Variants in CBLB observed in about 807,000 individuals in gnomAD.
The protein encoded by CBLB is Cbl proto-oncogene B, also known as E3 ubiquitin-protein ligase CBL-B.
Under a neutral mutation model 104.9 loss-of-function variants are expected in CBLB, and 31 were observed. That is an observed-to-expected ratio of 0.30 (90% confidence interval 0.22 to 0.40). CBLB has a LOEUF of 0.40. Among genes scored for constraint, CBLB ranks in the 10% least tolerant of loss-of-function variants. CBLB has a pLI of 1.00. For synonymous variants in CBLB, 440 were observed against 422.6 expected (o/e 1.04, Z -0.51); for missense variants, 1,062 against 1,214.6 (o/e 0.87, Z 1.87).
intron 6 of CBLB, among the ~76,000 whole-genome samples, chr3:105,741,094 G>A (rs1370858617): frequency 5.6e-5 from 3 of 53,560 alleles, no homozygotes; most frequent in Non-Finnish European, 1.1e-4. Flanking sequence ...TAAAAATTAG[G>A]GTTTTTTTTT....
intron 17 of CBLB, 131 bp from the exon 18 acceptor site, chr3:105,670,483 T>C: frequency 1.4e-6 from 1 of 738,766 alleles, no homozygotes; most frequent in Non-Finnish European, 2.2e-6. Context: ...TCATGACTGA[T>C]ATTAACCATT....
intron 3 of CBLB, among the ~76,000 whole-genome samples, chr3:105,842,057 A>G (rs1342198628): frequency 6.6e-6 from 1 of 151,938 alleles, no homozygotes; most frequent in Non-Finnish European, 1.5e-5. Flanking sequence ...TTCAATAAAG[A>G]TAATGTCTCC....
At chr3:105,833,902 C>T (rs1158601466) in intron 3 of CBLB, among the ~76,000 whole-genome samples, 1 of 151,564 alleles carries the variant, frequency 6.6e-6, no homozygotes, top group Non-Finnish European at 1.5e-5. Flanking sequence ...TAAAACCTTT[C>T]GTTTTAAAAA....
At chr3:105,744,965 T>C (rs936957873) in intron 6 of CBLB, among the ~76,000 whole-genome samples, 6 of 151,840 alleles carry the variant, frequency 4.0e-5, no homozygotes, top group African/African-American at 1.5e-4. Context: ...AAAAATGTTA[T>C]AAAGTACAAA....
chr3:105,853,425 C>T lies in CBLB; in HGVS notation c.408G>A (p.Gln136=), dbSNP rs2091207070. The change falls in exon 3 of 19, where the codon CAG becomes CAA. Residue 136 remains glutamine (Q), a synonymous_variant. Coordinates refer to ENST00000394030, the MANE Select transcript of CBLB (RefSeq NM_170662.5). ...KEGKERMYEE[Q]SQDRRNLTKL... is the part of the protein sequence containing the mutation. ...AATATTCTTCTTACCTGTCCTGTGA[C>T]TGTTCTTCATACATTCTCTCCTTGC... 8 of 1,613,622 alleles carry T rather than the reference C, an allele frequency of 5.0e-6. No homozygotes were observed. Among genetic ancestry groups the T allele is most frequent in the East Asian group, 2.2e-5 (1 of 44,806 alleles).
chr3:105,670,370 G>A lies in CBLB; in HGVS notation c.2570-18C>T. ...AAAGGGATCTTAAAAATAAAAACAAGTTTCAAATTAAAAGGATGATCTCTG... is the reference window on the plus strand; with the variant it reads ...AAAGGGATCTTAAAAATAAAAACAAATTTCAAATTAAAAGGATGATCTCTG... On this transcript the variant is annotated intron_variant, in intron 17 of 18. Transcript: ENST00000394030. 1 of 1,604,116 alleles carries A rather than the reference G, an allele frequency of 6.2e-7. No homozygotes were observed. The highest frequency in any genetic ancestry group is 8.5e-7 in the Non-Finnish European group (1 of 1,172,246).
At chr3:105,780,928 G>C (rs1292508732) in intron 3 of CBLB, among the ~76,000 whole-genome samples, 1 of 151,922 alleles carries the variant, frequency 6.6e-6, no homozygotes, top group Non-Finnish European at 1.5e-5. Flanking sequence ...CCAAAGTACT[G>C]GGATTATAAG....
At chr3:105,774,627 C>T (rs551136560) in intron 4 of CBLB, among the ~76,000 whole-genome samples, 16 of 152,214 alleles carry the variant, frequency 1.1e-4, no homozygotes, top group African/African-American at 3.9e-4. Context: ...AGTGATTTCA[C>T]TCATGTAGCA....
chr3:105,751,917 G>T (rs536968134), intron 4 of CBLB, among the ~76,000 whole-genome samples: 1 of 152,304 alleles, frequency 6.6e-6, no homozygotes, highest in East Asian at 1.9e-4. Flanking sequence ...AAAGTCTTAT[G>T]TGTCATGACC....
chr3:105,755,858 A>G (rs1032399177), intron 4 of CBLB, among the ~76,000 whole-genome samples: 1 of 152,348 alleles, frequency 6.6e-6, no homozygotes, highest in African/African-American at 2.4e-5. Flanking sequence ...AGAGCAAAAT[A>G]TTTGAAAACA....
intron 13 of CBLB, among the ~76,000 whole-genome samples, chr3:105,686,536 A>G (rs1399633921): frequency 2.0e-5 from 3 of 152,056 alleles, no homozygotes; most frequent in Non-Finnish European, 2.9e-5. Context: ...TATATTAAAC[A>G]AACATGCCTG....
chr3:105,864,266 G>T lies in CBLB; in HGVS notation c.168+3144C>A, dbSNP rs1383460814. Among the ~76,000 whole-genome samples, 4 of 152,154 alleles carry T rather than the reference G, an allele frequency of 2.6e-5. No homozygotes were observed. In the East Asian group the frequency reaches 7.7e-4, roughly 29 times the overall value. On this transcript the variant is annotated intron_variant, in intron 2 of 18. Transcript: ENST00000394030. Reference sequence around the variant, plus strand: ...TCTGATACTGTTCTCTGAGTTCCTTGACAGGTCAAAGGCGGGATTATGTCT... The same window carrying T: ...TCTGATACTGTTCTCTGAGTTCCTTTACAGGTCAAAGGCGGGATTATGTCT...
intron 9 of CBLB, among the ~76,000 whole-genome samples, chr3:105,731,029 A>G (rs542814465): frequency 1.7e-4 from 26 of 152,338 alleles, no homozygotes; most frequent in African/African-American, 4.1e-4. Flanking sequence ...ATTACTGAAC[A>G]TATCTTCATA....
At chr3:105,708,971 G>C (rs1278557708) in intron 10 of CBLB, among the ~76,000 whole-genome samples, 1 of 151,914 alleles carries the variant, frequency 6.6e-6, no homozygotes, top group African/African-American at 2.4e-5. Context: ...ACTGCCAAAA[G>C]GTAATCCCAT....
intron 10 of CBLB, among the ~76,000 whole-genome samples, chr3:105,718,134 T>C (rs2072196466): frequency 6.6e-6 from 1 of 152,186 alleles, no homozygotes; most frequent in South Asian, 2.1e-4. Flanking sequence ...TTATTTTTTC[T>C]TGTTCATCCT....
At chr3:105,800,962 A>C (rs2082791319) in intron 3 of CBLB, among the ~76,000 whole-genome samples, 1 of 152,154 alleles carries the variant, frequency 6.6e-6, no homozygotes, top group Admixed American at 6.5e-5. Context: ...TGTCATGTGA[A>C]AGTAAGAGGG....
rs201638137 is a variant in CBLB at position 105,690,857 on chromosome 3, G to A, written c.2054+2637C>T. Among the ~76,000 whole-genome samples, 9 of 151,502 alleles carry A rather than the reference G, an allele frequency of 5.9e-5. No individual in the cohort carries two copies. In the East Asian group the frequency reaches 9.7e-4, roughly 16 times the overall value. ...AAAAAAAAGACAAATACTTAATGGCGGAGTCAGGTGTGGTACACAGTCTGA... is the reference window on the plus strand; with the variant it reads ...AAAAAAAAGACAAATACTTAATGGCAGAGTCAGGTGTGGTACACAGTCTGA... On this transcript the variant is annotated intron_variant, in intron 13 of 18. Coordinates refer to ENST00000394030, the MANE Select transcript of CBLB (RefSeq NM_170662.5).
chr3:105,673,851 A>T (rs536167144), intron 17 of CBLB: 7 of 152,336 alleles, frequency 4.6e-5, no homozygotes, highest in Non-Finnish European at 8.8e-5. Context: ...CAAATACTGT[A>T]ACTGAAGACA....
At chr3:105,768,086 A>G (rs2078431602) in intron 4 of CBLB, among the ~76,000 whole-genome samples, 1 of 152,260 alleles carries the variant, frequency 6.6e-6, no homozygotes, top group African/African-American at 2.4e-5. Context: ...GAGCTACTTT[A>G]GAAATACAAA....
Sources: gnomAD v4.1 joint callset for allele counts (sites outside exome capture counted in the v4.1 genomes callset) on GRCh38, gnomAD v4.1.1 for gene constraint, MANE v1.5 for transcripts, NCBI Gene and HGNC (gene_info 2026-07-23, HGNC 2026-07-21) for gene names.